PHF2: variants seen among roughly 807,000 people sequenced by gnomAD.
PHF2 encodes the protein lysine-specific demethylase PHF2.
PHF2 carries 27 observed loss-of-function variants against 120.5 expected under a neutral mutation model. The observed-to-expected ratio is 0.22, with a 90% confidence interval of 0.17 to 0.31. PHF2 has a LOEUF of 0.31. PHF2 is among the 10% of genes least tolerant of loss of function. PHF2 has a pLI of 1.00. For synonymous variants in PHF2, 568 were observed against 592.5 expected (o/e 0.96, Z 0.60); for missense variants, 1,024 against 1,434.8 (o/e 0.71, Z 4.63).
chr9:93,647,366 G>T (rs758176494), intron 4 of PHF2, among the ~76,000 whole-genome samples: 23 of 152,200 alleles, frequency 1.5e-4, no homozygotes, highest in Non-Finnish European at 3.1e-4. Flanking sequence ...TCCCCTGGCC[G>T]TGTTCCCTCC....
Position 93,677,567 on chromosome 9 carries a change from TCCCC to T in PHF2, c.3203-20_3203-17del. Reference sequence around the variant, plus strand: ...ATCTAGCTTACCTTCCCTTTTTGTGTCCCCTCCCCGACTCCCCTAGGAAAACGTA... The same window carrying T: ...ATCTAGCTTACCTTCCCTTTTTGTGTTCCCCGACTCCCCTAGGAAAACGTA... On this transcript the variant is annotated splice_polypyrimidine_tract_variant and intron_variant, in intron 21 of 21. Transcript: ENST00000359246. This position sits in a 1 kb window ranked among gnomAD's most constrained non-coding sequence, Gnocchi z 4.4. 6.2e-7 allele frequency: 1 copy of T among 1,604,782 alleles called. No homozygotes were observed. The highest frequency in any genetic ancestry group is 1.7e-5 in the Admixed American group (1 of 59,650).
chr9:93,649,846 TGTG>T (rs901879568), intron 5 of PHF2, among the ~76,000 whole-genome samples: 6 of 152,076 alleles, frequency 3.9e-5, no homozygotes, highest in African/African-American at 1.4e-4. Flanking sequence ...GACACCAACG[TGTG>T]GTGCAGTCAC....
intron 2 of PHF2, among the ~76,000 whole-genome samples, chr9:93,631,557 G>T (rs1174661485): frequency 6.6e-6 from 1 of 152,196 alleles, no homozygotes; most frequent in Non-Finnish European, 1.5e-5. Flanking sequence ...ACAGATAAAG[G>T]GTAGGAAGGT....
chr9:93,679,026 C>T lies in PHF2; in HGVS notation c.*1350C>T. On this transcript the variant is annotated 3_prime_UTR_variant, in exon 22 of 22. Coordinates refer to ENST00000359246, the MANE Select transcript of PHF2 (RefSeq NM_005392.4). ...TGAATCTTCAACTTTAATACCAGCTCTTTGTTTTCCTTGTATGATGAGGGG... is the reference window on the plus strand; with the variant it reads ...TGAATCTTCAACTTTAATACCAGCTTTTTGTTTTCCTTGTATGATGAGGGG... 1 of 332,642 alleles carries T rather than the reference C, an allele frequency of 3.0e-6. No homozygotes were observed. The highest frequency in any genetic ancestry group is 2.3e-5 in the South Asian group (1 of 43,472). 20.6% of individuals were successfully genotyped at this position (332,642 alleles called of 1,614,324 possible).
chr9:93,617,967 C>T (rs1283530015), intron 1 of PHF2, among the ~76,000 whole-genome samples: 1 of 152,244 alleles, frequency 6.6e-6, no homozygotes, highest in Admixed American at 6.5e-5. Flanking sequence ...TGGCAACATC[C>T]TCACAGACAC....
intron 1 of PHF2, among the ~76,000 whole-genome samples, chr9:93,584,557 CAG>C (rs1460227362): frequency 1.3e-5 from 2 of 152,194 alleles, no homozygotes; most frequent in Non-Finnish European, 2.9e-5. Context: ...ACCGTATACA[CAG>C]GGGTTTATTT....
chr9:93,623,517 G>A (rs1473840838), intron 1 of PHF2, among the ~76,000 whole-genome samples: 2 of 152,184 alleles, frequency 1.3e-5, no homozygotes, highest in Admixed American at 1.3e-4. Flanking sequence ...CTTCTATTGG[G>A]CAGACACCCT....
chr9:93,634,340 G>A (rs568455063), intron 2 of PHF2, among the ~76,000 whole-genome samples: 4 of 152,066 alleles, frequency 2.6e-5, no homozygotes, highest in Non-Finnish European at 5.9e-5. Flanking sequence ...TGTCACTGGG[G>A]GTGTCTTTTT....
At chr9:93,671,599 G>C (rs1302984282) in intron 17 of PHF2, among the ~76,000 whole-genome samples, 24 of 111,340 alleles carry the variant, frequency 2.2e-4, no homozygotes, top group East Asian at 8.4e-4. Flanking sequence ...TGGGAGTAGG[G>C]TCAGGTGTAG....
chr9:93,577,247 C>G (rs1467768179), intron 1 of PHF2, among the ~76,000 whole-genome samples: 1 of 151,254 alleles, frequency 6.6e-6, no homozygotes, highest in Non-Finnish European at 1.5e-5. Flanking sequence ...AGGCCGAGGC[C>G]CGGAGCCCCC....
At chr9:93,630,079 C>T (rs1310200599) in intron 2 of PHF2, 24 bp downstream of exon 2, 2 of 1,607,672 alleles carry the variant, frequency 1.2e-6, no homozygotes, top group Non-Finnish European at 1.7e-6. Flanking sequence ...CCCAAGCGGC[C>T]ATCTCTTGCG....
chr9:93,605,159 A>G (rs1035664750), intron 1 of PHF2, among the ~76,000 whole-genome samples: 9 of 152,250 alleles, frequency 5.9e-5, no homozygotes, highest in African/African-American at 2.2e-4. Context: ...GTATTGATAC[A>G]TACTCATTAA....
chr9:93,654,644 C>T, intron 7 of PHF2, 69 bp downstream of exon 7: 2 of 1,457,816 alleles, frequency 1.4e-6, no homozygotes, highest in Non-Finnish European at 1.9e-6. Context: ...ACTGCCCTGT[C>T]CCTTGGACCG....
intron 1 of PHF2, 96 bp downstream of exon 1, chr9:93,576,967 C>A: frequency 2.4e-6 from 1 of 418,484 alleles, no homozygotes; most frequent in Non-Finnish European, 3.2e-6. Context: ...GCAGGCCCGG[C>A]TCGGGGACGG....
intron 1 of PHF2, among the ~76,000 whole-genome samples, chr9:93,620,926 C>T (rs1332407425): frequency 1.3e-5 from 2 of 152,224 alleles, no homozygotes; most frequent in Admixed American, 6.5e-5. Flanking sequence ...CAGGATGGCC[C>T]CTAATGGAGC....
chr9:93,670,129 T>A (rs1456719293), intron 17 of PHF2, among the ~76,000 whole-genome samples: 1 of 152,168 alleles, frequency 6.6e-6, no homozygotes, highest in Non-Finnish European at 1.5e-5. Flanking sequence ...GATGGGCAGC[T>A]CGAGAGACAG....
chr9:93,673,946 C>T (rs1175676648), intron 18 of PHF2, 84 bp downstream of exon 18: 7 of 1,410,322 alleles, frequency 5.0e-6, no homozygotes, highest in Non-Finnish European at 6.7e-6. Flanking sequence ...CATAAACATG[C>T]AGCTCTCCAA....
At chr9:93,599,085 G>A (rs1587671234) in intron 1 of PHF2, among the ~76,000 whole-genome samples, 1 of 152,158 alleles carries the variant, frequency 6.6e-6, no homozygotes, top group Non-Finnish European at 1.5e-5. Flanking sequence ...AGCTAGTCCC[G>A]TGTCCATCTC....
intron 18 of PHF2, among the ~76,000 whole-genome samples, chr9:93,674,280 G>A (rs376884668): frequency 6.6e-6 from 1 of 152,042 alleles, no homozygotes; most frequent in East Asian, 1.9e-4. Context: ...CAGGGTCACC[G>A]CCTCACCGTG....
Sources: allele counts gnomAD v4.1 joint callset (sites outside exome capture counted in the v4.1 genomes callset), GRCh38; gene constraint gnomAD v4.1.1; non-coding constraint Gnocchi (gnomAD v3.1); transcripts MANE v1.5; gene names NCBI Gene and HGNC (gene_info 2026-07-23, HGNC 2026-07-21).